UBE2E2: variants seen among roughly 807,000 people sequenced by gnomAD.
UBE2E2 encodes ubiquitin-conjugating enzyme E2 E2.
In UBE2E2, 6 loss-of-function variants were observed where a neutral mutation model predicts 24.7. The observed-to-expected ratio is 0.24, with a 90% CI of 0.13 to 0.48. UBE2E2 has a LOEUF of 0.48. Ranked by LOEUF, UBE2E2 falls within the 20% of genes least tolerant of loss-of-function variation. UBE2E2 has a pLI of 0.99. For missense variants in UBE2E2, 169 were observed against 245.0 expected (o/e 0.69, Z 2.07); for synonymous variants, 104 against 83.6 (o/e 1.24, Z -1.33).
chr3:23,533,420 A>G (rs1406980924), intron 5 of UBE2E2, among the ~76,000 whole-genome samples: 4 of 152,148 alleles, frequency 2.6e-5, no homozygotes, highest in Admixed American at 1.3e-4. Flanking sequence ...TAAATATTGC[A>G]TGAGATTCCC....
chr3:23,345,015 A>C (rs187159046), intron 3 of UBE2E2, among the ~76,000 whole-genome samples: 3 of 152,260 alleles, frequency 2.0e-5, no homozygotes, highest in East Asian at 1.9e-4. Flanking sequence ...AATGATGGAA[A>C]TATCCTCATG....
intron 3 of UBE2E2, among the ~76,000 whole-genome samples, chr3:23,312,587 T>A (rs559413633): frequency 1.9e-4 from 29 of 152,274 alleles, no homozygotes; most frequent in South Asian, 6.2e-4. Context: ...TCAGTTGTTT[T>A]GTTGATTTTT....
intron 3 of UBE2E2, among the ~76,000 whole-genome samples, chr3:23,350,607 G>A (rs1039865270): frequency 3.3e-5 from 5 of 152,200 alleles, no homozygotes; most frequent in Admixed American, 6.5e-5. Flanking sequence ...CTCAGGAGCC[G>A]ATGTGATCAA....
intron 3 of UBE2E2, among the ~76,000 whole-genome samples, chr3:23,247,025 C>T (rs1012974518): frequency 2.0e-5 from 3 of 151,772 alleles, no homozygotes; most frequent in Admixed American, 6.6e-5. Context: ...AATTTAAAAA[C>T]GTTTTTTATT....
intron 3 of UBE2E2, among the ~76,000 whole-genome samples, chr3:23,230,501 T>C (rs992172558): frequency 3.5e-4 from 53 of 152,082 alleles, no homozygotes; most frequent in African/African-American, 1.2e-3. Context: ...TGGAGAAGAG[T>C]TGGCTGGGCG....
chr3:23,473,835 T>C (rs1475155662), intron 3 of UBE2E2, among the ~76,000 whole-genome samples: 1 of 152,124 alleles, frequency 6.6e-6, no homozygotes, highest in African/African-American at 2.4e-5. Flanking sequence ...TCCACATTTT[T>C]GCAATTCCAA....
At chr3:23,299,955 A>C (rs1699024998) in intron 3 of UBE2E2, among the ~76,000 whole-genome samples, 1 of 152,032 alleles carries the variant, frequency 6.6e-6, no homozygotes, top group South Asian at 2.1e-4. Context: ...TTGCTTTATG[A>C]ATCTGGGTGC....
intron 3 of UBE2E2, among the ~76,000 whole-genome samples, chr3:23,379,764 G>A (rs1006191966): frequency 6.6e-6 from 1 of 152,236 alleles, no homozygotes; most frequent in East Asian, 1.9e-4. Context: ...ACCTCTCTGA[G>A]GAGGTGACCT....
At chr3:23,425,051 T>C (rs924993421) in intron 3 of UBE2E2, among the ~76,000 whole-genome samples, 13 of 152,208 alleles carry the variant, frequency 8.5e-5, no homozygotes, top group African/African-American at 3.1e-4. Flanking sequence ...CATTTATCAA[T>C]GCACAGGGAA....
At position 23,290,587 on chromosome 3, in the gene UBE2E2, G is replaced by A. The variant is rs190405678; in HGVS notation, c.227+73275G>A. ...CCCACTTCAGCTTCCTGAGTAACTG[G>A]GATTATAGGAGAACGTGCCCAGTTA... On this transcript the variant is annotated intron_variant, in intron 3 of 5. Coordinates refer to ENST00000396703, the MANE Select transcript of UBE2E2 (RefSeq NM_152653.4). Among the ~76,000 whole-genome samples the A allele has an allele frequency of 7.7e-4, 117 of 151,906 alleles. 1 individual carries two copies. The highest frequency in any genetic ancestry group is 2.7e-3 in the African/African-American group (113 of 41,402).
At position 23,246,222 on chromosome 3, in the gene UBE2E2, A is replaced by ATTTTTTTTTTTTTTTT. The variant is rs398051684; in HGVS notation, c.227+28925_227+28926insTTTTTTTTTTTTTTTT. Among the ~76,000 whole-genome samples, 5 of 102,210 alleles carry ATTTTTTTTTTTTTTTT rather than the reference A, an allele frequency of 4.9e-5. 1 individual carries two copies. 67.1% of individuals were successfully genotyped at this position (102,210 alleles called of 152,430 possible). A position where few individuals can be genotyped will look rare whatever the true frequency, so the allele number is the denominator to read the frequency against. On this transcript the variant is annotated intron_variant, in intron 3 of 5. Transcript: ENST00000396703. ...AGGTGTATGCCACCATGCGTGGCTAATTTTTTTTTTTTTTTCGAGATGGAG... is the reference window on the plus strand; with the variant it reads ...AGGTGTATGCCACCATGCGTGGCTAATTTTTTTTTTTTTTTTTTTTTTTTTTTTTTTCGAGATGGAG...
chr3:23,430,711 G>A (rs138699685), intron 3 of UBE2E2, among the ~76,000 whole-genome samples: 3 of 151,970 alleles, frequency 2.0e-5, no homozygotes, highest in East Asian at 1.9e-4. Flanking sequence ...TGTAGAGATG[G>A]GATATCCCTA....
chr3:23,549,406 G>A (rs1361326280), intron 5 of UBE2E2, among the ~76,000 whole-genome samples: 1 of 152,190 alleles, frequency 6.6e-6, no homozygotes, highest in Non-Finnish European at 1.5e-5. Context: ...GTCAGGTCAT[G>A]AGAACAATGC....
At chr3:23,447,743 G>C (rs191729909) in intron 3 of UBE2E2, among the ~76,000 whole-genome samples, 2 of 152,164 alleles carry the variant, frequency 1.3e-5, no homozygotes, top group Admixed American at 6.5e-5. Flanking sequence ...CTTTCAAGAA[G>C]AGTAATATAA....
At chr3:23,411,406 C>A (rs1697494168) in intron 3 of UBE2E2, among the ~76,000 whole-genome samples, 1 of 152,106 alleles carries the variant, frequency 6.6e-6, no homozygotes, top group Non-Finnish European at 1.5e-5. Flanking sequence ...TTCTCCTTTA[C>A]TCTGATGGTC....
At chr3:23,353,920 C>T (rs1284163639) in intron 3 of UBE2E2, among the ~76,000 whole-genome samples, 3 of 152,140 alleles carry the variant, frequency 2.0e-5, no homozygotes, top group Non-Finnish European at 4.4e-5. Context: ...AAAGAGCCTG[C>T]ATCGCCAAGT....
chr3:23,530,610 A>G (rs1695100640), intron 4 of UBE2E2, among the ~76,000 whole-genome samples: 1 of 152,172 alleles, frequency 6.6e-6, no homozygotes, highest in South Asian at 2.1e-4. Flanking sequence ...TCTCAGGAAA[A>G]ACATTTCTCT....
chr3:23,322,877 T>G (rs1694783193), intron 3 of UBE2E2, among the ~76,000 whole-genome samples: 2 of 152,122 alleles, frequency 1.3e-5, no homozygotes, highest in South Asian at 4.1e-4. Context: ...ATAATTGATT[T>G]TAGCCTTAAC....
At chr3:23,483,274 T>A (rs551001196) in intron 3 of UBE2E2, among the ~76,000 whole-genome samples, 2 of 152,352 alleles carry the variant, frequency 1.3e-5, no homozygotes, top group East Asian at 1.9e-4. Context: ...TTCTTTGACC[T>A]TTAGTTTTAG....
Sources: gnomAD v4.1 joint callset for allele counts (sites outside exome capture counted in the v4.1 genomes callset) on GRCh38, gnomAD v4.1.1 for gene constraint, MANE v1.5 for transcripts, NCBI Gene and HGNC (gene_info 2026-07-23, HGNC 2026-07-21) for gene names.